The following SCARF2 variants were observed in gnomAD, a reference collection of about 807,000 sequenced individuals.
SCARF2 encodes the protein scavenger receptor expressed by endothelial cells 2 protein.
A neutral mutation model predicts 73.4 loss-of-function variants in SCARF2; 39 were observed. That is an observed-to-expected ratio of 0.53 (90% CI 0.41 to 0.69). SCARF2 has a LOEUF of 0.69. SCARF2 is among the 30% of genes least tolerant of loss of function. The pLI is 0.00. For missense variants in SCARF2, 1,148 were observed against 1,303.5 expected, an observed-to-expected ratio of 0.88 and a Z score of 1.84; for synonymous variants, 605 against 590.0, an observed-to-expected ratio of 1.03 and a Z score of -0.37.
chr22:20,429,542 G>T lies in SCARF2; in HGVS notation c.1418C>A (p.Thr473Lys), dbSNP rs372461021. Reference protein sequence around the residue: ...CCCACRGKDPTRRELSLGRKK... With the variant: ...CCCACRGKDPKRRELSLGRKK... Reference sequence around the variant, plus strand: ...GGGCAGTATCTGGGCTCACCGGCGCGTAGGGTCCTTGCCGCGGCAAGCGCA... The same window carrying T: ...GGGCAGTATCTGGGCTCACCGGCGCTTAGGGTCCTTGCCGCGGCAAGCGCA... Residue 473 changes from threonine to lysine, a missense_variant, in exon 8 of 11, where the codon ACG (threonine) becomes AAG (lysine). Thr to Lys is a moderately conservative substitution (Grantham distance 78, BLOSUM62 -1). Transcript: ENST00000622235. The surrounding 1 kb of genome is among the most constrained non-coding windows in gnomAD (Gnocchi z 5.2). 3.8e-5 allele frequency: 61 copies of T among 1,612,798 alleles called. No homozygotes were observed. The African/African-American group carries it at 7.7e-4, about 20-fold the overall frequency.
intron 9 of SCARF2, among the ~76,000 whole-genome samples, chr22:20,428,275 C>G (rs1038271993): frequency 7.3e-6 from 1 of 137,388 alleles, no homozygotes; most frequent in East Asian, 2.5e-4. Flanking sequence ...TTCTCTTCTC[C>G]TCTCCTCTCC....
chr22:20,429,558 G>T lies in SCARF2; in HGVS notation c.1402C>A (p.Arg468Ser). Residue 468 changes from arginine to serine, a missense_variant, in exon 8 of 11, where the codon CGC (arginine) becomes AGC (serine). Coordinates refer to ENST00000622235, the MANE Select transcript of SCARF2 (RefSeq NM_182895.5). This position sits in a 1 kb window ranked among gnomAD's most constrained non-coding sequence, Gnocchi z 5.2. ...CACCGGCGCGTAGGGTCCTTGCCGC[G>T]GCAAGCGCAGCAGCAGCCGAGCAGC... Reference protein sequence around the residue: ...LSLLGCCCACRGKDPTRRELS... With the variant: ...LSLLGCCCACSGKDPTRRELS... The T allele has an allele frequency of 6.2e-7, 1 of 1,613,044 alleles. No individual in the cohort carries two copies. The highest frequency in any genetic ancestry group is 8.5e-7 in the Non-Finnish European group (1 of 1,179,784).
intron 1 of SCARF2, among the ~76,000 whole-genome samples, chr22:20,433,640 G>A (rs1486165727): frequency 2.6e-5 from 4 of 152,206 alleles, no homozygotes; most frequent in South Asian, 2.1e-4. Context: ...GGGACCTGGC[G>A]AACAGGACCA....
rs1383722591 is a variant in SCARF2 at position 20,425,299 on chromosome 22, C to G, written c.*76G>C. ...CGGCCAATAGGAGGCCGCCCGTGCC[C>G]GGTAGCGTGGGAGGTGTGGGGTGGC... is the stretch of plus-strand genomic sequence containing the variant. On this transcript the variant is annotated 3_prime_UTR_variant, in exon 11 of 11. Transcript: ENST00000622235. This position sits in a 1 kb window ranked among gnomAD's most constrained non-coding sequence, Gnocchi z 4.6. 2 of 1,235,604 alleles carry G rather than the reference C, an allele frequency of 1.6e-6. No individual in the cohort carries two copies. Among genetic ancestry groups the G allele is most frequent in the East Asian group, 3.2e-5 (1 of 31,656 alleles). The allele number at this position is 1,235,604 out of a possible 1,614,324, so 76.5% of individuals were successfully genotyped here.
At chr22:20,433,356 TCACAAG>T (rs1281515217) in intron 1 of SCARF2, among the ~76,000 whole-genome samples, 41 of 152,174 alleles carry the variant, frequency 2.7e-4, no homozygotes, top group Admixed American at 2.7e-3. Context: ...GCACGCTTCT[TCACAAG>T]CAGGCTTGGA....
At position 20,425,148 on chromosome 22, in the gene SCARF2, C is replaced by T; in HGVS notation, c.*227G>A. On this transcript the variant is annotated 3_prime_UTR_variant, in exon 11 of 11. Transcript: ENST00000622235. The surrounding 1 kb of genome is among the most constrained non-coding windows in gnomAD (Gnocchi z 4.6). ...CTCGGCCAATGGGGAGGGAGTCGCC[C>T]GCTAAGCGCCTGTCAGGCCTCGACC... is the stretch of plus-strand genomic sequence containing the variant. 2.5e-6 allele frequency: 1 copy of T among 398,998 alleles called. No individual in the cohort carries two copies. The highest frequency in any genetic ancestry group is 4.4e-6 in the Non-Finnish European group (1 of 228,072). The allele number at this position is 398,998 out of a possible 1,614,324, so 24.7% of individuals were successfully genotyped here.
At chr22:20,435,847 A>G (rs976828640) in intron 1 of SCARF2, among the ~76,000 whole-genome samples, 11 of 152,312 alleles carry the variant, frequency 7.2e-5, no homozygotes, top group African/African-American at 2.6e-4. Context: ...TCCCTACACC[A>G]ATACAGGCCT....
chr22:20,437,542 C>T (rs758444266), intron 1 of SCARF2, 40 bp downstream of exon 1: 6 of 1,546,720 alleles, frequency 3.9e-6, no homozygotes, highest in Admixed American at 1.8e-5. Flanking sequence ...CTGCCCAGAG[C>T]GTCCCTCTCG....
Position 20,429,250 on chromosome 22 carries a change from C to T in SCARF2, c.1515G>A (p.Arg505=). ...ISMKLPRIPL[R]RQKLPKVVVA... ...CTACGACTTTGGGTAGTTTCTGCCT[C>T]CGGAGCGGGATCCGGGGCAGCTTCA... The change falls in exon 9 of 11, where the codon CGG becomes CGA. Residue 505 remains arginine, a synonymous_variant. Coordinates refer to ENST00000622235, the MANE Select transcript of SCARF2 (RefSeq NM_182895.5). This position sits in a 1 kb window ranked among gnomAD's most constrained non-coding sequence, Gnocchi z 5.2. 1 of 1,613,956 alleles carries T rather than the reference C, an allele frequency of 6.2e-7. No individual in the cohort carries two copies. The highest frequency in any genetic ancestry group is 8.5e-7 in the Non-Finnish European group (1 of 1,180,030).
intron 1 of SCARF2, among the ~76,000 whole-genome samples, chr22:20,435,461 C>T (rs1275372489): frequency 3.3e-5 from 5 of 152,162 alleles, no homozygotes; most frequent in African/African-American, 1.2e-4. Context: ...TGTACAAAGC[C>T]CCCAGGGGGT....
Position 20,429,694 on chromosome 22 carries a change from C to T in SCARF2, c.1306+36G>A, listed in dbSNP as rs766308409. The T allele has an allele frequency of 3.7e-6, 6 of 1,613,858 alleles. No individual in the cohort carries two copies. In the African/African-American group the frequency reaches 6.7e-5, roughly 18 times the overall value. On this transcript the variant is annotated intron_variant, in intron 7 of 10. Coordinates refer to ENST00000622235, the MANE Select transcript of SCARF2 (RefSeq NM_182895.5). The surrounding 1 kb of genome is among the most constrained non-coding windows in gnomAD (Gnocchi z 5.2). ...GGGTCAGCGCGGTTTCTGGCACCCC[C>T]TGCATTCCTTAACGGGACGCCCCTC...
At chr22:20,426,480 C>T (rs927908116) in intron 10 of SCARF2, among the ~76,000 whole-genome samples, 198 bp from the exon 11 acceptor site, 5 of 152,364 alleles carry the variant, frequency 3.3e-5, no homozygotes, top group Non-Finnish European at 7.3e-5. Context: ...TGACTCTGAA[C>T]TCAGGCTGTG....
chr22:20,429,349 GCGGGGTCTGAGCGGAGGGGCGGGGC>G lies in SCARF2; in HGVS notation c.1425-34_1425-10del, dbSNP rs2052615205. The G allele has an allele frequency of 7.5e-6, 12 of 1,607,534 alleles. No homozygotes were observed. In the East Asian group the frequency reaches 9.0e-5, roughly 12 times the overall value. On this transcript the variant is annotated splice_polypyrimidine_tract_variant and intron_variant, in intron 8 of 10. Coordinates refer to ENST00000622235, the MANE Select transcript of SCARF2 (RefSeq NM_182895.5). This position sits in a 1 kb window ranked among gnomAD's most constrained non-coding sequence, Gnocchi z 5.2. Reference sequence around the variant, plus strand: ...TCCCAAGCGAAAGCTCCCTGCGGGGGCGGGGTCTGAGCGGAGGGGCGGGGCCGGGGCGGGGCCCAGGGGCGATTAG... The same window carrying G: ...TCCCAAGCGAAAGCTCCCTGCGGGGGCGGGGCGGGGCCCAGGGGCGATTAG...
rs2052613887 is a variant in SCARF2 at position 20,429,285 on chromosome 22, G to A, written c.1480C>T (p.Arg494Cys). The A allele has an allele frequency of 5.0e-6, 8 of 1,613,024 alleles. No individual in the cohort carries two copies. The highest frequency in any genetic ancestry group is 5.1e-6 in the Non-Finnish European group (6 of 1,179,796). The change falls in exon 9 of 11, where the codon CGC (arginine) becomes TGC (cysteine). Residue 494 changes from arginine to cysteine, a missense_variant. Physicochemically the swap from Arg to Cys is radical, Grantham distance 180 (BLOSUM62 -3). Coordinates refer to ENST00000622235, the MANE Select transcript of SCARF2 (RefSeq NM_182895.5). This position sits in a 1 kb window ranked among gnomAD's most constrained non-coding sequence, Gnocchi z 5.2. ...ATCCGGGGCAGCTTCATGCTGATGC[G>A]ACTGAAGCGCCCGCATAGTCGGTGC... The part of the protein sequence containing the change: ...APHRLCGRFS[R>C]ISMKLPRIPL...
At chr22:20,430,296 A>C in intron 6 of SCARF2, 133 bp downstream of exon 6, 1 of 1,115,750 alleles carries the variant, frequency 9.0e-7, no homozygotes, top group Non-Finnish European at 1.2e-6. Flanking sequence ...GCCTACTGTC[A>C]CTCCCTAGCT....
rs143751545 is a variant in SCARF2, at chr22:20,432,446, T to G, written c.174-458A>C. On this transcript the variant is annotated intron_variant, in intron 1 of 10. Transcript: ENST00000622235. ...TGATGAGGACGGCACTAGGACTAGC[T>G]GGGCCACAGGGACACACCTAGATGC... Among the ~76,000 whole-genome samples, 118 of 152,168 alleles carry G rather than the reference T, an allele frequency of 7.8e-4. 1 individual carries two copies. The highest frequency in any genetic ancestry group is 6.8e-3 in the Middle Eastern group (2 of 294).
chr22:20,426,419 GCA>G (rs1456142987), intron 10 of SCARF2, 137 bp from the exon 11 acceptor site: 7 of 889,536 alleles, frequency 7.9e-6, no homozygotes, highest in Non-Finnish European at 1.2e-5. Context: ...GACGTGCCTG[GCA>G]CAGAGCACCA....
intron 1 of SCARF2, among the ~76,000 whole-genome samples, chr22:20,436,436 C>G (rs9610955): frequency 0.87 from 131,486 of 152,004 alleles, 57,218 homozygotes; most frequent in African/African-American, 0.96. Context: ...CCCGGGAGTC[C>G]GCGGCGGCGG....
In SCARF2 at chr22:20,429,077, C is replaced by A; in HGVS notation, c.1540+148G>T. 9.4e-7 allele frequency: 1 copy of A among 1,059,538 alleles called. No homozygotes were observed. The highest frequency in any genetic ancestry group is 2.6e-5 in the East Asian group (1 of 38,898). 65.6% of individuals were successfully genotyped at this position (1,059,538 alleles called of 1,614,324 possible). On this transcript the variant is annotated intron_variant, in intron 9 of 10. Transcript: ENST00000622235. This position sits in a 1 kb window ranked among gnomAD's most constrained non-coding sequence, Gnocchi z 5.2. ...GCAGCTGCCACACCTCTTACCTTCC[C>A]TCTGGTCGCACCTCCTCGCGCCCAC...
Sources: allele counts gnomAD v4.1 joint callset (sites outside exome capture counted in the v4.1 genomes callset), GRCh38; gene constraint gnomAD v4.1.1; non-coding constraint Gnocchi (gnomAD v3.1); transcripts MANE v1.5; gene names NCBI Gene and HGNC (gene_info 2026-07-23, HGNC 2026-07-21).